ZC3H12B: variants seen among roughly 807,000 people sequenced by gnomAD.
ZC3H12B encodes the protein zinc finger CCCH-type containing 12B, also known as probable ribonuclease ZC3H12B.
ZC3H12B carries 7 observed loss-of-function variants against 43.9 expected under a neutral mutation model. The observed-to-expected ratio is 0.16, with a 90% CI of 0.09 to 0.30. The LOEUF (loss-of-function observed/expected upper bound fraction) is 0.30, where lower values mean the gene tolerates loss of function less well. Ranked by LOEUF, ZC3H12B falls within the 10% of genes least tolerant of loss-of-function variation. ZC3H12B has a pLI of 1.00. For missense variants in ZC3H12B, 475 were observed against 670.2 expected (o/e 0.71, Z 3.22); for synonymous variants, 222 against 241.7 (o/e 0.92, Z 0.76).
the ZC3H12B span, among the ~76,000 whole-genome samples, chrX:65,111,624 C>A: frequency 1.8e-5 from 2 of 108,767 alleles, no homozygotes; most frequent in Non-Finnish European, 3.8e-5. Flanking sequence ...TGCCATTTTT[C>A]CAAAAGCATG....
chrX:65,173,324 G>A, the ZC3H12B span, among the ~76,000 whole-genome samples: 1 of 111,954 alleles, frequency 8.9e-6, no homozygotes, highest in Non-Finnish European at 1.9e-5. Context: ...TTTTAGGGCT[G>A]AGATGATGGT....
At chrX:65,367,069 A>G (rs752450282) in intron 1 of ZC3H12B, among the ~76,000 whole-genome samples, 2 of 112,330 alleles carry the variant, frequency 1.8e-5, no homozygotes, top group Non-Finnish European at 3.8e-5. Context: ...GAAGCTCAGT[A>G]TAGCAGAATG....
chrX:65,239,634 A>C, the ZC3H12B span, among the ~76,000 whole-genome samples: 1 of 111,581 alleles, frequency 9.0e-6, no homozygotes, highest in African/African-American at 3.3e-5. Context: ...GTAGCTGTTT[A>C]TTTTGCACAC....
At chrX:65,081,006 T>C in the ZC3H12B span, among the ~76,000 whole-genome samples, 1 of 110,221 alleles carries the variant, frequency 9.1e-6, no homozygotes, top group Non-Finnish European at 1.9e-5. Context: ...TAATAGAGTT[T>C]CTATTAATTT....
intron 3 of ZC3H12B, among the ~76,000 whole-genome samples, chrX:65,453,510 C>A (rs1490592638): frequency 9.6e-6 from 1 of 104,032 alleles, no homozygotes; most frequent in Non-Finnish European, 2.0e-5. Context: ...CACCTGAGAT[C>A]AGGAGTTCAA....
At chrX:65,165,303 T>C in the ZC3H12B span, among the ~76,000 whole-genome samples, 2 of 112,250 alleles carry the variant, frequency 1.8e-5, no homozygotes, top group African/African-American at 3.2e-5. Flanking sequence ...CAGATACATG[T>C]ACAGAACGTA....
the ZC3H12B span, among the ~76,000 whole-genome samples, chrX:65,321,737 T>G: frequency 1.5e-4 from 16 of 109,833 alleles, no homozygotes; most frequent in South Asian, 5.1e-3. Flanking sequence ...AACATGTCCT[T>G]TGCAGGGACA....
chrX:65,166,172 T>C, the ZC3H12B span, among the ~76,000 whole-genome samples: 3 of 111,064 alleles, frequency 2.7e-5, no homozygotes, highest in Non-Finnish European at 1.9e-5. Context: ...ATTAGGTATA[T>C]CTCCTAATGC....
chrX:65,137,894 T>A, the ZC3H12B span, among the ~76,000 whole-genome samples: 1 of 112,684 alleles, frequency 8.9e-6, no homozygotes. Context: ...AGTGGCATGA[T>A]CTCGGCCCAC....
At chrX:65,242,798 A>C in the ZC3H12B span, among the ~76,000 whole-genome samples, 26 of 112,399 alleles carry the variant, frequency 2.3e-4, no homozygotes, top group Non-Finnish European at 3.6e-4. Context: ...CTAATGGAAT[A>C]GTTTATACAA....
At chrX:65,293,871 C>T in the ZC3H12B span, among the ~76,000 whole-genome samples, 1 of 111,370 alleles carries the variant, frequency 9.0e-6, no homozygotes, top group Non-Finnish European at 1.9e-5. Flanking sequence ...AATGACCAAA[C>T]CTAAGAATAA....
chrX:65,435,684 A>AGAT (rs745994311), intron 3 of ZC3H12B, among the ~76,000 whole-genome samples: 1 of 111,194 alleles, frequency 9.0e-6, no homozygotes, highest in Non-Finnish European at 1.9e-5. Flanking sequence ...ATAGATAGAT[A>AGAT]GATAGATAGA....
chrX:65,220,486 A>G, the ZC3H12B span, among the ~76,000 whole-genome samples: 1 of 111,986 alleles, frequency 8.9e-6, no homozygotes, highest in East Asian at 2.8e-4. Flanking sequence ...GGACTCACAT[A>G]AATTTAAAGA....
chrX:65,387,760 T>A (rs763291907), intron 2 of ZC3H12B, among the ~76,000 whole-genome samples: 68 of 112,827 alleles, frequency 6.0e-4, no homozygotes, highest in African/African-American at 1.5e-3. Flanking sequence ...ATTTGGCATG[T>A]TTTTGCAGTG....
At chrX:65,272,335 T>C in the ZC3H12B span, 6 of 107,624 alleles carry the variant, frequency 5.6e-5, 1 homozygote, top group Admixed American at 5.8e-4. Flanking sequence ...TTGGTGCTCT[T>C]AGTGATCTTG....
chrX:65,475,519 T>C (rs754013335), intron 3 of ZC3H12B, among the ~76,000 whole-genome samples: 9 of 111,625 alleles, frequency 8.1e-5, no homozygotes, highest in African/African-American at 2.9e-4. Flanking sequence ...AGAAATCCAC[T>C]GATAGTCTTA....
chrX:65,494,054 T>C (rs1181521462), intron 1 of ZC3H12B, among the ~76,000 whole-genome samples: 1 of 111,181 alleles, frequency 9.0e-6, no homozygotes, highest in Non-Finnish European at 1.9e-5. Context: ...CGGGATGCTA[T>C]AGGTATGTTA....
At chrX:65,332,765 CAGATAACATAATATCTGTTATT>C in the ZC3H12B span, among the ~76,000 whole-genome samples, 1 of 111,410 alleles carries the variant, frequency 9.0e-6, no homozygotes, top group Non-Finnish European at 1.9e-5. Flanking sequence ...TATTAGATAA[CAGATAACATAATATCTGTTATT>C]AGATAACATA....
chrX:65,407,251 G>A (rs1283548249), intron 3 of ZC3H12B, among the ~76,000 whole-genome samples: 2 of 112,455 alleles, frequency 1.8e-5, no homozygotes, highest in African/African-American at 3.2e-5. Flanking sequence ...GAGGCGCGGC[G>A]CCCTGATGCT....
Sources: gnomAD v4.1 joint callset for allele counts (sites outside exome capture counted in the v4.1 genomes callset) on GRCh38, gnomAD v4.1.1 for gene constraint, MANE v1.5 for transcripts, NCBI Gene and HGNC (gene_info 2026-07-23, HGNC 2026-07-21) for gene names.